Variants in LRBA observed in about 807,000 individuals in gnomAD.
The protein encoded by LRBA is lipopolysaccharide-responsive and beige-like anchor protein.
LRBA carries 176 observed loss-of-function variants against 330.0 expected under a neutral mutation model. The ratio of observed to expected loss-of-function variants is 0.53; its 90% CI spans 0.47 to 0.60. The LOEUF is 0.60. Ranked by LOEUF, LRBA falls within the 20% of genes least tolerant of loss-of-function variation. LRBA has a pLI of 0.00. For missense variants in LRBA, 3,259 were observed against 3,444.8 expected (o/e 0.95, Z 1.35); for synonymous variants, 1,230 against 1,193.0 (o/e 1.03, Z -0.64).
Position 150,960,730 on chromosome 4 carries a change from G to A in LRBA, c.217-31665C>T, listed in dbSNP as rs1231193631. 2.0e-5 allele frequency among the ~76,000 whole-genome samples: 3 copies of A among 148,668 alleles called. 1 individual carries two copies. Among genetic ancestry groups the A allele is most frequent in the African/African-American group, 7.8e-5 (3 of 38,262 alleles). On this transcript the variant is annotated intron_variant, in intron 2 of 56. Coordinates refer to ENST00000651943, the MANE Select transcript of LRBA (RefSeq NM_001364905.1). ...TTTAGTTTTATATTTGTTTTGGTTTGGTTTTTCAATAGTTACAGTTTTACA... is the reference window on the plus strand; with the variant it reads ...TTTAGTTTTATATTTGTTTTGGTTTAGTTTTTCAATAGTTACAGTTTTACA...
At chr4:150,467,096 TAA>T (rs1350408876) in intron 44 of LRBA, among the ~76,000 whole-genome samples, 10 of 152,162 alleles carry the variant, frequency 6.6e-5, no homozygotes, top group African/African-American at 2.4e-4. Flanking sequence ...GTCCCAGTAA[TAA>T]CTTCAAGAAG....
intron 2 of LRBA, among the ~76,000 whole-genome samples, chr4:150,931,500 C>T (rs1734498802): frequency 6.6e-6 from 1 of 151,446 alleles, no homozygotes; most frequent in Admixed American, 6.6e-5. Flanking sequence ...GTGGTTCACA[C>T]CTATAATCCC....
chr4:150,377,855 T>TGGTGGA (rs1741588924), intron 47 of LRBA, among the ~76,000 whole-genome samples: 1 of 151,316 alleles, frequency 6.6e-6, no homozygotes, highest in Non-Finnish European at 1.5e-5. Context: ...GGCATGGTGG[T>TGGTGGA]AGGCACCTGT....
chr4:150,657,573 T>C (rs1488386760), intron 37 of LRBA, among the ~76,000 whole-genome samples: 1 of 152,012 alleles, frequency 6.6e-6, no homozygotes, highest in East Asian at 1.9e-4. Context: ...TTTACCATTG[T>C]ATTTATATAT....
intron 22 of LRBA, among the ~76,000 whole-genome samples, chr4:150,860,803 G>A (rs573611133): frequency 5.3e-5 from 8 of 151,536 alleles, no homozygotes; most frequent in South Asian, 2.1e-4. Flanking sequence ...GCGACAGAGC[G>A]AGACTCCGTC....
chr4:150,870,948 A>T (rs1470808963), intron 19 of LRBA, among the ~76,000 whole-genome samples: 1 of 152,230 alleles, frequency 6.6e-6, no homozygotes, highest in East Asian at 1.9e-4. Context: ...TGTACATTAC[A>T]AACTTAAATG....
At chr4:150,273,799 G>A (rs1019576532) in intron 56 of LRBA, among the ~76,000 whole-genome samples, 2 of 152,118 alleles carry the variant, frequency 1.3e-5, no homozygotes, top group African/African-American at 4.8e-5. Flanking sequence ...GGAGCACCCA[G>A]ATTCATAAAG....
chr4:150,677,641 T>C lies in LRBA; in HGVS notation c.5921+5910A>G, dbSNP rs570628187. ...TGGTTTTTTGCTTTATATTCATTCTTTGAAAATGTAGTTAACCTGGCATGG... is the reference window on the plus strand; with the variant it reads ...TGGTTTTTTGCTTTATATTCATTCTCTGAAAATGTAGTTAACCTGGCATGG... On this transcript the variant is annotated intron_variant, in intron 37 of 56. Transcript: ENST00000651943. Among the ~76,000 whole-genome samples, 10 of 152,116 alleles carry C rather than the reference T, an allele frequency of 6.6e-5. No individual in the cohort carries two copies. In the South Asian group the frequency reaches 8.3e-4, roughly 13 times the overall value.
chr4:150,896,408 G>A lies in LRBA; in HGVS notation c.2053C>T (p.Leu685=), dbSNP rs746041735. The A allele has an allele frequency of 1.3e-6, 2 of 1,528,142 alleles. No individual in the cohort carries two copies. Among genetic ancestry groups the A allele is most frequent in the Admixed American group, 3.5e-5 (2 of 57,016 alleles). 94.7% of individuals were successfully genotyped at this position (1,528,142 alleles called of 1,614,324 possible). The part of the protein sequence containing the change: ...DELQAILNYL[L]TMHEDDNLMD... ...TCATATATTACCTCATGCATAGTCA[G>A]TAGGTAATTAAGAATGGCCTGTAAT... Residue 685 remains leucine (L), a synonymous_variant, in exon 16 of 57, where the codon CTG becomes TTG. Transcript: ENST00000651943.
At chr4:150,561,115 T>C (rs1442662798) in intron 40 of LRBA, among the ~76,000 whole-genome samples, 4 of 152,194 alleles carry the variant, frequency 2.6e-5, no homozygotes, top group African/African-American at 9.6e-5. Context: ...ACAAGTTTTA[T>C]TACATGCTTA....
At chr4:150,442,210 T>C (rs1751934285) in intron 44 of LRBA, among the ~76,000 whole-genome samples, 1 of 152,170 alleles carries the variant, frequency 6.6e-6, no homozygotes, top group South Asian at 2.1e-4. Context: ...TTTTCACACC[T>C]TTCTGTAAAG....
intron 35 of LRBA, among the ~76,000 whole-genome samples, chr4:150,737,983 CTTTTTTTTTTTT>C (rs774453122): frequency 8.9e-6 from 1 of 112,170 alleles, no homozygotes; most frequent in Non-Finnish European, 1.8e-5. Context: ...TTCTCTGAAT[CTTTTTTTTTTTT>C]TTTTTTTTTT....
intron 37 of LRBA, among the ~76,000 whole-genome samples, chr4:150,665,115 G>A (rs531528273): frequency 4.6e-5 from 7 of 152,154 alleles, no homozygotes; most frequent in Admixed American, 2.0e-4. Context: ...CTTTCCTTAC[G>A]CAATCACACA....
intron 33 of LRBA, among the ~76,000 whole-genome samples, chr4:150,802,591 G>A (rs1741825277): frequency 2.6e-5 from 4 of 151,908 alleles, no homozygotes; most frequent in African/African-American, 9.7e-5. Flanking sequence ...CTTACAAAGG[G>A]TTATAACTAC....
chr4:150,501,822 T>A (rs1206610351), intron 40 of LRBA, among the ~76,000 whole-genome samples: 1 of 151,994 alleles, frequency 6.6e-6, no homozygotes. Context: ...CATAATATAC[T>A]GAAAAGTTGT....
chr4:150,518,042 G>A (rs1581560226), intron 40 of LRBA, among the ~76,000 whole-genome samples: 1 of 152,180 alleles, frequency 6.6e-6, no homozygotes, highest in Admixed American at 6.5e-5. Context: ...ATGGATCTTA[G>A]CAACCTCAAC....
chr4:150,392,051 A>G (rs1415862647), intron 47 of LRBA, among the ~76,000 whole-genome samples: 1 of 151,518 alleles, frequency 6.6e-6, no homozygotes, highest in Non-Finnish European at 1.5e-5. Flanking sequence ...CCAATAGGTT[A>G]AATTTCAAAA....
intron 35 of LRBA, among the ~76,000 whole-genome samples, chr4:150,756,045 CAA>C (rs70941436): frequency 2.2e-4 from 28 of 127,688 alleles, no homozygotes; most frequent in African/African-American, 2.2e-4. Flanking sequence ...GACCCTATCT[CAA>C]AAAAAAAAAA....
intron 34 of LRBA, among the ~76,000 whole-genome samples, chr4:150,782,062 G>A (rs534253747): frequency 4.6e-5 from 7 of 151,998 alleles, no homozygotes; most frequent in South Asian, 2.1e-4. Context: ...GCACACCATC[G>A]TGCCCAGCTA....
Sources: allele counts gnomAD v4.1 joint callset (sites outside exome capture counted in the v4.1 genomes callset), GRCh38; gene constraint gnomAD v4.1.1; transcripts MANE v1.5; gene names NCBI Gene and HGNC (gene_info 2026-07-23, HGNC 2026-07-21).